Variants in OR2V2 observed in about 807,000 individuals in gnomAD.
The protein encoded by OR2V2 is olfactory receptor family 2 subfamily V member 2, also known as olfactory receptor 2V2.
For synonymous variants in OR2V2, 161 were observed against 151.3 expected (o/e 1.06, Z -0.47); for missense variants, 392 against 392.2 (o/e 1.00, Z 0.00).
chr5:181,154,416 C>T (rs1010920658), intron 1 of OR2V2, among the ~76,000 whole-genome samples: 6 of 151,988 alleles, frequency 3.9e-5, no homozygotes, highest in Admixed American at 6.6e-5. Flanking sequence ...GGTGAAACCC[C>T]GTCTCTACTA....
In OR2V2 at chr5:181,155,850, G is replaced by C; in HGVS notation, c.908G>C (p.Arg303Thr). 3 of 1,614,170 alleles carry C rather than the reference G, an allele frequency of 1.9e-6. No individual in the cohort carries two copies. Among genetic ancestry groups the C allele is most frequent in the South Asian group, 2.2e-5 (2 of 91,080 alleles). The change falls in exon 2 of 2, where the codon AGG becomes ACG. Residue 303 changes from arginine (R) to threonine (T), a missense_variant. Physicochemically the swap from Arg to Thr is moderately conservative, Grantham distance 71. Coordinates refer to ENST00000641492, the MANE Select transcript of OR2V2 (RefSeq NM_206880.2). ...LRNREVMGAL[R>T]KGLDRCRIGS... Reference sequence around the variant, plus strand: ...AACAGGGAGGTGATGGGGGCACTGAGGAAGGGGCTGGACCGCTGCAGGATC... The same window carrying C: ...AACAGGGAGGTGATGGGGGCACTGACGAAGGGGCTGGACCGCTGCAGGATC...
chr5:181,154,006 T>C (rs947816063), intron 1 of OR2V2, among the ~76,000 whole-genome samples: 3 of 152,216 alleles, frequency 2.0e-5, no homozygotes, highest in Admixed American at 1.3e-4. Flanking sequence ...TTCACCTCAT[T>C]GGCCCTGTGA....
In OR2V2 at chr5:181,155,301, C is replaced by T; in HGVS notation, c.359C>T (p.Ala120Val). The T allele has an allele frequency of 6.2e-7, 1 of 1,614,188 alleles. No individual in the cohort carries two copies. The highest frequency in any genetic ancestry group is 8.5e-7 in the Non-Finnish European group (1 of 1,180,034). ...GAGGGGCTCTTGCTGGGACTCATGG[C>T]TTATGACCGCTATGTGGCCATTAGC... is the stretch of plus-strand genomic sequence containing the variant. ...GSEGLLLGLM[A>V]YDRYVAISHP... The change falls in exon 2 of 2, where the codon GCT becomes GTT. Residue 120 changes from alanine (A) to valine (V), a missense_variant. By Grantham distance (64) the Ala-to-Val change is moderately conservative. Coordinates refer to ENST00000641492, the MANE Select transcript of OR2V2 (RefSeq NM_206880.2).
chr5:181,153,861 A>T (rs1327282547), intron 1 of OR2V2, among the ~76,000 whole-genome samples: 2 of 152,242 alleles, frequency 1.3e-5, no homozygotes, highest in African/African-American at 4.8e-5. Context: ...TACTAAAGAT[A>T]ACTTAGGAAG....
In OR2V2 at chr5:181,155,480, T is replaced by C. The variant is rs749197962; in HGVS notation, c.538T>C (p.Cys180Arg). Residue 180 changes from cysteine to arginine, a missense_variant, in exon 2 of 2, where the codon TGT becomes CGT. Coordinates refer to ENST00000641492, the MANE Select transcript of OR2V2 (RefSeq NM_206880.2). ...CGLRKVNHFF[C>R]EMLSLLKLAC... is the part of the protein sequence containing the mutation. ...CTTGAGGAAGGTGAACCATTTCTTCTGTGAGATGCTATCCTTGTTGAAGCT... is the reference window on the plus strand; with the variant it reads ...CTTGAGGAAGGTGAACCATTTCTTCCGTGAGATGCTATCCTTGTTGAAGCT... 1.2e-6 allele frequency: 2 copies of C among 1,614,232 alleles called. No homozygotes were observed. Among genetic ancestry groups the C allele is most frequent in the Non-Finnish European group, 1.7e-6 (2 of 1,180,036 alleles).
rs1554096517 is a variant in OR2V2 at position 181,156,039 on chromosome 5, G to GTTCTTTCTTCCTTTCTTTCTTTCT, written c.*158_*159insCCTTTCTTTCTTTCTTTCTTTCTT. 2 of 495,170 alleles carry GTTCTTTCTTCCTTTCTTTCTTTCT rather than the reference G, an allele frequency of 4.0e-6. No individual in the cohort carries two copies. Among genetic ancestry groups the GTTCTTTCTTCCTTTCTTTCTTTCT allele is most frequent in the African/African-American group, 4.1e-5 (2 of 48,676 alleles). The allele number at this position is 495,170 out of a possible 1,614,324, so 30.7% of individuals were successfully genotyped here. On this transcript the variant is annotated 3_prime_UTR_variant, in exon 2 of 2. Coordinates refer to ENST00000641492, the MANE Select transcript of OR2V2 (RefSeq NM_206880.2). ...GAAGGTCTTTTTAAACACTACATCA[G>GTTCTTTCTTCCTTTCTTTCTTTCT]TTCTTTCTTTCTTTCTTTCTTTCTT...
At chr5:181,150,246 T>C (rs1017755865) in intron 1 of OR2V2, among the ~76,000 whole-genome samples, 1 of 152,340 alleles carries the variant, frequency 6.6e-6, no homozygotes, top group South Asian at 2.1e-4. Flanking sequence ...GCTCTGCACC[T>C]GGGCAGGCGC....
intron 1 of OR2V2, among the ~76,000 whole-genome samples, chr5:181,148,702 C>G (rs117435426): frequency 6.6e-6 from 1 of 152,146 alleles, no homozygotes; most frequent in Admixed American, 6.5e-5. Flanking sequence ...AAAGTGTCTT[C>G]GTGGAGAGCA....
rs1763287202 is a variant in OR2V2 at position 181,158,036 on chromosome 5, T to C, written c.*2146T>C. The C allele has an allele frequency of 6.6e-6, 1 of 152,230 alleles. No individual in the cohort carries two copies. The highest frequency in any genetic ancestry group is 2.4e-5 in the African/African-American group (1 of 41,460). 9.4% of individuals were successfully genotyped at this position (152,230 alleles called of 1,614,324 possible). On this transcript the variant is annotated 3_prime_UTR_variant, in exon 2 of 2. Coordinates refer to ENST00000641492, the MANE Select transcript of OR2V2 (RefSeq NM_206880.2). ...CCATGATGGGGAAATTCCTATTTCATTTTAATTGCATTTCATTGGCATAGG... is the reference window on the plus strand; with the variant it reads ...CCATGATGGGGAAATTCCTATTTCACTTTAATTGCATTTCATTGGCATAGG...
At chr5:181,150,935 C>T (rs1763183714) in intron 1 of OR2V2, among the ~76,000 whole-genome samples, 1 of 152,144 alleles carries the variant, frequency 6.6e-6, no homozygotes, top group Non-Finnish European at 1.5e-5. Context: ...GCCTTGACTG[C>T]ACCACCGCAC....
In OR2V2 at chr5:181,157,490, A is replaced by C. The variant is rs527637795; in HGVS notation, c.*1600A>C. The C allele has an allele frequency of 3.4e-4, 52 of 152,386 alleles. No individual in the cohort carries two copies. The highest frequency in any genetic ancestry group is 1.2e-3 in the African/African-American group (50 of 41,596). The allele number at this position is 152,386 out of a possible 1,614,324, so 9.4% of individuals were successfully genotyped here. On this transcript the variant is annotated 3_prime_UTR_variant, in exon 2 of 2. Transcript: ENST00000641492. ...GTCAGCGCAGCTGAGATGAGCAAAC[A>C]ACTTCGGAGGAGGCTCCTTCCCTTG...
rs1313400690 is a variant in OR2V2, at chr5:181,155,253, T to A, written c.311T>A (p.Leu104His). ...GTGGGCTGTGGCATACAAATTGGCC[T>A]CTTTGTCTGTCTTGTGGGATCTGAG... ...SFVGCGIQIG[L>H]FVCLVGSEGL... Residue 104 changes from leucine (L) to histidine (H), a missense_variant, in exon 2 of 2, where the codon CTC becomes CAC. Transcript: ENST00000641492. 1 of 1,612,032 alleles carries A rather than the reference T, an allele frequency of 6.2e-7. No individual in the cohort carries two copies. The highest frequency in any genetic ancestry group is 1.1e-5 in the South Asian group (1 of 91,012).
chr5:181,152,799 G>A (rs773698453), intron 1 of OR2V2, among the ~76,000 whole-genome samples: 2 of 152,246 alleles, frequency 1.3e-5, no homozygotes, highest in Non-Finnish European at 2.9e-5. Context: ...AGGCACCTGC[G>A]AGGAGGGAAC....
Position 181,155,398 on chromosome 5 carries a change from T to G in OR2V2, c.456T>G (p.Phe152Leu). 1 of 1,614,226 alleles carries G rather than the reference T, an allele frequency of 6.2e-7. No homozygotes were observed. Among genetic ancestry groups the G allele is most frequent in the Non-Finnish European group, 8.5e-7 (1 of 1,180,040 alleles). Reference sequence around the variant, plus strand: ...AGATTACTGGGAGCTCCTGGGCCTTTGGGATAATCGATGGCTTGATCCAGA... The same window carrying G: ...AGATTACTGGGAGCTCCTGGGCCTTGGGGATAATCGATGGCTTGATCCAGA... ...CLQITGSSWA[F>L]GIIDGLIQMV... Residue 152 changes from phenylalanine to leucine, a missense_variant, in exon 2 of 2, where the codon TTT (phenylalanine) becomes TTG (leucine). Transcript: ENST00000641492.
rs1219544047 is a variant in OR2V2, at chr5:181,157,306, T to C, written c.*1416T>C. 1.3e-5 allele frequency: 2 copies of C among 152,280 alleles called. No individual in the cohort carries two copies. Among genetic ancestry groups the C allele is most frequent in the Non-Finnish European group, 2.9e-5 (2 of 68,068 alleles). 9.4% of individuals were successfully genotyped at this position (152,280 alleles called of 1,614,324 possible). ...AGTGGCACCCAGGGCCTACCGTGGT[T>C]GACTTTAGATTGTCCACTCAGCTTA... On this transcript the variant is annotated 3_prime_UTR_variant, in exon 2 of 2. Coordinates refer to ENST00000641492, the MANE Select transcript of OR2V2 (RefSeq NM_206880.2).
chr5:181,148,613 C>T (rs1763155662), intron 1 of OR2V2, among the ~76,000 whole-genome samples: 1 of 152,238 alleles, frequency 6.6e-6, no homozygotes, highest in Non-Finnish European at 1.5e-5. Context: ...AGATGCCAGG[C>T]ACTGGTCCAG....
At position 181,155,735 on chromosome 5, in the gene OR2V2, C is replaced by T; in HGVS notation, c.793C>T (p.His265Tyr). 1 of 1,614,214 alleles carries T rather than the reference C, an allele frequency of 6.2e-7. No homozygotes were observed. Among genetic ancestry groups the T allele is most frequent in the Non-Finnish European group, 8.5e-7 (1 of 1,180,044 alleles). Residue 265 changes from histidine (H) to tyrosine (Y), a missense_variant, in exon 2 of 2, where the codon CAC becomes TAC. Coordinates refer to ENST00000641492, the MANE Select transcript of OR2V2 (RefSeq NM_206880.2). ...CATGTTCATCTACCTGAGGCCTAGG[C>T]ACTACCGGGCCCCCAGCCATGACAA... The part of the protein sequence containing the change: ...AAMFIYLRPR[H>Y]YRAPSHDKVA...
rs1268755749 is a variant in OR2V2, at chr5:181,157,360, A to C, written c.*1470A>C. 6.6e-6 allele frequency: 1 copy of C among 152,246 alleles called. No individual in the cohort carries two copies. Among genetic ancestry groups the C allele is most frequent in the East Asian group, 1.9e-4 (1 of 5,198 alleles). The allele number at this position is 152,246 out of a possible 1,614,324, so 9.4% of individuals were successfully genotyped here. On this transcript the variant is annotated 3_prime_UTR_variant, in exon 2 of 2. Transcript: ENST00000641492. ...CTCACAGGAAACATTCTGTGGTGAA[A>C]ATATTATGCCCATTTTACAGGAGAG...
intron 1 of OR2V2, among the ~76,000 whole-genome samples, chr5:181,151,872 C>CCT (rs1471257858): frequency 5.3e-5 from 8 of 151,732 alleles, no homozygotes; most frequent in African/African-American, 1.7e-4. Flanking sequence ...GTAGTACCAG[C>CCT]CACTCAGGAG....
Sources: gnomAD v4.1 joint callset for allele counts (sites outside exome capture counted in the v4.1 genomes callset) on GRCh38, gnomAD v4.1.1 for gene constraint, MANE v1.5 for transcripts, NCBI Gene and HGNC (gene_info 2026-07-23, HGNC 2026-07-21) for gene names.